Variants in FBXO7 observed in about 807,000 individuals in gnomAD.
The protein encoded by FBXO7 is F-box protein 7, also known as F-box only protein 7.
FBXO7 carries 31 observed loss-of-function variants against 50.2 expected under a neutral mutation model. That is an observed-to-expected ratio of 0.62 (90% CI 0.46 to 0.83). FBXO7 has a LOEUF of 0.83. Among genes scored for constraint, FBXO7 ranks in the 40% least tolerant of loss-of-function variants. FBXO7 has a pLI of 0.00. For synonymous variants in FBXO7, 256 were observed against 253.1 expected (o/e 1.01, Z -0.11); for missense variants, 667 against 646.6 (o/e 1.03, Z -0.34).
chr22:32,482,855 A>G (rs961313830), intron 2 of FBXO7, among the ~76,000 whole-genome samples: 3 of 152,232 alleles, frequency 2.0e-5, no homozygotes, highest in African/African-American at 2.4e-5. Context: ...ACTTGCAGTC[A>G]TGGAAGGATG....
chr22:32,475,233 G>A (rs1242510206), intron 1 of FBXO7, 109 bp downstream of exon 1: 1 of 1,523,602 alleles, frequency 6.6e-7, no homozygotes. Flanking sequence ...GTGGCCGGGC[G>A]ATAGGCCAAG....
intron 8 of FBXO7, among the ~76,000 whole-genome samples, 186 bp downstream of exon 8, chr22:32,495,716 GA>G (rs1478709534): frequency 1.3e-5 from 2 of 151,952 alleles, no homozygotes; most frequent in Admixed American, 6.6e-5. Flanking sequence ...TAATTATATG[GA>G]AAAAAATGTT....
chr22:32,497,314 C>G (rs2057581671), intron 8 of FBXO7, among the ~76,000 whole-genome samples: 1 of 152,142 alleles, frequency 6.6e-6, no homozygotes, highest in Non-Finnish European at 1.5e-5. Flanking sequence ...TCCCTCCCAG[C>G]CTTTCCCCCT....
Position 32,498,517 on chromosome 22 carries a change from T to C in FBXO7, c.1556T>C (p.Leu519Pro), listed in dbSNP as rs139463767. The change falls in exon 9 of 9, where the codon CTG (leucine) becomes CCG (proline). Residue 519 changes from leucine to proline, a missense_variant. Physicochemically the swap from Leu to Pro is moderately conservative, Grantham distance 98. Transcript: ENST00000266087. Reference sequence around the variant, plus strand: ...AGGGGTCGGCCAACTGATGGCCGGCTGTCATTCATGTGATTGATTTGTAAT... The same window carrying C: ...AGGGGTCGGCCAACTGATGGCCGGCCGTCATTCATGTGATTGATTTGTAAT... The part of the protein sequence containing the change: ...PSRGRPTDGR[L>P]SFM 1.9e-6 allele frequency: 3 copies of C among 1,613,262 alleles called. No homozygotes were observed. Among genetic ancestry groups the C allele is most frequent in the Non-Finnish European group, 1.7e-6 (2 of 1,180,008 alleles).
At chr22:32,475,555 T>C in intron 1 of FBXO7, 1 of 923,238 alleles carries the variant, frequency 1.1e-6, no homozygotes, top group Non-Finnish European at 1.6e-6. Context: ...TCTTCAGCTG[T>C]TGGAGTATTT....
chr22:32,491,494 T>C (rs2057535136), intron 6 of FBXO7: 3 of 303,348 alleles, frequency 9.9e-6, no homozygotes, highest in South Asian at 9.7e-5. Flanking sequence ...TGGTCTAGCA[T>C]GAGGTCAGGT....
intron 7 of FBXO7, 125 bp from the exon 8 acceptor site, chr22:32,495,368 G>GTTTTT: frequency 7.0e-5 from 35 of 502,682 alleles, no homozygotes; most frequent in South Asian, 2.2e-4. Context: ...TAAATGGTTA[G>GTTTTT]TTTTTTTTTT....
intron 1 of FBXO7, chr22:32,478,228 G>A (rs915274800): frequency 6.6e-6 from 1 of 152,294 alleles, no homozygotes; most frequent in African/African-American, 2.4e-5. Context: ...GTTAGGTTAA[G>A]GATTCCAAAT....
intron 3 of FBXO7, among the ~76,000 whole-genome samples, 198 bp from the exon 4 acceptor site, chr22:32,484,870 G>A (rs981887888): frequency 6.6e-6 from 1 of 152,064 alleles, no homozygotes. Context: ...GATTAAAAGT[G>A]TTCTAATATA....
chr22:32,478,845 C>T (rs2145988175), intron 1 of FBXO7, 136 bp from the exon 2 acceptor site: 6 of 878,082 alleles, frequency 6.8e-6, no homozygotes, highest in Non-Finnish European at 9.2e-6. Flanking sequence ...CCAGCCTGGA[C>T]AACATAGTGA....
chr22:32,486,134 G>T (rs5749447), intron 4 of FBXO7, among the ~76,000 whole-genome samples: 5 of 151,852 alleles, frequency 3.3e-5, no homozygotes, highest in Non-Finnish European at 7.4e-5. Context: ...TGAGATGAAA[G>T]TTAGGTAGAA....
At chr22:32,491,965 TGTA>T (rs1480348706) in intron 6 of FBXO7, 5 of 152,186 alleles carry the variant, frequency 3.3e-5, no homozygotes, top group Non-Finnish European at 5.9e-5. Context: ...ATGCTCCTCT[TGTA>T]GTAGAAGGAA....
At chr22:32,475,379 G>T (rs1451284480) in intron 1 of FBXO7, 1 of 1,611,374 alleles carries the variant, frequency 6.2e-7, no homozygotes. Context: ...GGCCTCCCGG[G>T]GGCTCTGGTC....
At chr22:32,497,234 G>A (rs1044828472) in intron 8 of FBXO7, among the ~76,000 whole-genome samples, 1 of 152,172 alleles carries the variant, frequency 6.6e-6, no homozygotes, top group Non-Finnish European at 1.5e-5. Flanking sequence ...GGTGATTTCT[G>A]AGATTTTAGT....
In FBXO7 at chr22:32,493,196, G is replaced by A. The variant is rs1203081060; in HGVS notation, c.1059G>A (p.Leu353=). 1 of 1,614,022 alleles carries A rather than the reference G, an allele frequency of 6.2e-7. No homozygotes were observed. The highest frequency in any genetic ancestry group is 1.3e-5 in the African/African-American group (1 of 74,920). The part of the protein sequence containing the change: ...IFRLLDVRSV[L]SLSAVCRDLF... ...GACTTCTGGATGTTCGTTCCGTCTTGTCTTTGTCTGCGGTTTGTCGTGACC... is the reference window on the plus strand; with the variant it reads ...GACTTCTGGATGTTCGTTCCGTCTTATCTTTGTCTGCGGTTTGTCGTGACC... The change falls in exon 7 of 9, where the codon TTG becomes TTA. Residue 353 remains leucine, a synonymous_variant. Coordinates refer to ENST00000266087, the MANE Select transcript of FBXO7 (RefSeq NM_012179.4).
Position 32,475,036 on chromosome 22 carries a change from T to C in FBXO7, c.34T>C (p.Trp12Arg). ...GCGGGTGCGGCTTCTGAAGCGGACC[T>C]GGCCGCTGGAGGTGCCCGAGACGGA... ...RLRVRLLKRT[W>R]PLEVPETEPT... is the part of the protein sequence containing the mutation. The change falls in exon 1 of 9, where the codon TGG (tryptophan) becomes CGG (arginine). Residue 12 changes from tryptophan (W) to arginine (R), a missense_variant. Trp to Arg is a moderately radical substitution (Grantham distance 101). Transcript: ENST00000266087. 6.5e-7 allele frequency: 1 copy of C among 1,542,724 alleles called. No individual in the cohort carries two copies. Among genetic ancestry groups the C allele is most frequent in the African/African-American group, 1.4e-5 (1 of 72,494 alleles).
intron 1 of FBXO7, among the ~76,000 whole-genome samples, chr22:32,476,389 A>G (rs1308696407): frequency 6.6e-6 from 1 of 152,128 alleles, no homozygotes; most frequent in Non-Finnish European, 1.5e-5. Context: ...TACCAAGTAT[A>G]TATATATTTT....
At chr22:32,480,243 A>G (rs2057455997) in intron 2 of FBXO7, among the ~76,000 whole-genome samples, 1 of 152,186 alleles carries the variant, frequency 6.6e-6, no homozygotes, top group African/African-American at 2.4e-5. Context: ...GCTGAAAAAG[A>G]CAATATATCT....
chr22:32,478,707 G>C (rs369262203), intron 1 of FBXO7, among the ~76,000 whole-genome samples: 1 of 152,050 alleles, frequency 6.6e-6, no homozygotes, highest in East Asian at 1.9e-4. Flanking sequence ...GCAACAGAGT[G>C]AGACTCTGTC....
Sources: allele counts gnomAD v4.1 joint callset (sites outside exome capture counted in the v4.1 genomes callset), GRCh38; gene constraint gnomAD v4.1.1; transcripts MANE v1.5; gene names NCBI Gene and HGNC (gene_info 2026-07-23, HGNC 2026-07-21).